The following TXNDC8 variants were observed in gnomAD, a reference collection of about 807,000 sequenced individuals.
TXNDC8 encodes thioredoxin domain containing 8.
In TXNDC8, 15 loss-of-function variants were observed where a neutral mutation model predicts 12.9. The observed-to-expected ratio is 1.16, with a 90% CI of 0.78 to 1.79. The LOEUF is 1.79. TXNDC8 is among the 40% of genes most tolerant of loss of function. The pLI is 0.00. For synonymous variants in TXNDC8, 40 were observed against 35.4 expected (o/e 1.13, Z -0.46); for missense variants, 128 against 113.2 (o/e 1.13, Z -0.59).
At chr9:110,313,253 C>T (rs1315296915) in intron 3 of TXNDC8, among the ~76,000 whole-genome samples, 2 of 152,248 alleles carry the variant, frequency 1.3e-5, no homozygotes, top group Middle Eastern at 3.4e-3. Flanking sequence ...ATCTTTTCCC[C>T]CAATTTTTCC....
At chr9:110,326,374 T>TA (rs1246382987) in intron 2 of TXNDC8, 134 bp from the exon 4 acceptor site, 6 of 722,128 alleles carry the variant, frequency 8.3e-6, no homozygotes, top group African/African-American at 1.8e-5. Context: ...ACTCTCCTGC[T>TA]ATGAACTTTT....
chr9:110,325,386 G>A (rs1839268786), intron 3 of TXNDC8, among the ~76,000 whole-genome samples: 1 of 152,152 alleles, frequency 6.6e-6, no homozygotes, highest in Non-Finnish European at 1.5e-5. Context: ...CAGCTAGGAA[G>A]TGCTAGAAGC....
chr9:110,305,279 TG>T (rs1309800801), intron 3 of TXNDC8, among the ~76,000 whole-genome samples: 2 of 152,078 alleles, frequency 1.3e-5, no homozygotes, highest in Non-Finnish European at 1.5e-5. Flanking sequence ...CCACTCAACA[TG>T]ATGTTTATGA....
At chr9:110,337,245 C>T (rs1027619281) in intron 1 of TXNDC8, among the ~76,000 whole-genome samples, 7 of 152,250 alleles carry the variant, frequency 4.6e-5, no homozygotes, top group Middle Eastern at 3.4e-3. Flanking sequence ...ACCTCTTAAA[C>T]GAACTAGCCC....
intron 3 of TXNDC8, chr9:110,322,352 T>A: frequency 1.0e-6 from 1 of 984,542 alleles, no homozygotes; most frequent in Non-Finnish European, 1.2e-6. Context: ...AATGGTTTAA[T>A]TTGTTTTCTA....
rs189610168 is a variant in TXNDC8 at position 110,318,330 on chromosome 9, T to C, written c.195+7845A>G. 3.9e-5 allele frequency among the ~76,000 whole-genome samples: 6 copies of C among 152,366 alleles called. No homozygotes were observed. In the East Asian group the frequency reaches 1.2e-3, roughly 29 times the overall value. On this transcript the variant is annotated intron_variant, in intron 3 of 4. Transcript: ENST00000423740. ...CTGTACTAAATCTTAGTTATGAATA[T>C]AACTTGTGATTGGGTCTTGTAAGTC...
intron 2 of TXNDC8, 48 bp downstream of exon 2, chr9:110,334,168 A>ACTTTTAAATTT: frequency 1.4e-6 from 2 of 1,469,458 alleles, no homozygotes; most frequent in Non-Finnish European, 1.9e-6. Flanking sequence ...ATATTCTGGA[A>ACTTTTAAATTT]CTTTAAATTT....
At chr9:110,305,792 CTTTTCTTTTCTTTT>C (rs1838443241) in intron 3 of TXNDC8, among the ~76,000 whole-genome samples, 6 of 56,848 alleles carry the variant, frequency 1.1e-4, no homozygotes, top group East Asian at 6.7e-4. Flanking sequence ...TCTTTTCTTT[CTTTTCTTTTCTTTT>C]CTTTCCTTTC....
At chr9:110,310,754 A>C (rs985415205) in intron 3 of TXNDC8, among the ~76,000 whole-genome samples, 28 of 152,356 alleles carry the variant, frequency 1.8e-4, no homozygotes, top group East Asian at 1.3e-3. Context: ...AATTGCCAGC[A>C]TACATTTTTG....
chr9:110,310,200 GGT>G (rs67807947), intron 3 of TXNDC8, among the ~76,000 whole-genome samples: 65,913 of 149,224 alleles, frequency 0.44, 14,715 homozygotes, highest in East Asian at 0.7. Context: ...CTTTGTGTGT[GGT>G]GTGTGTGTGT....
chr9:110,303,839 A>G (rs1404407569), intron 4 of TXNDC8: 2 of 719,054 alleles, frequency 2.8e-6, no homozygotes, highest in African/African-American at 1.8e-5. Flanking sequence ...TTAATCTAAG[A>G]TCTAAAACGT....
chr9:110,321,073 T>C (rs1345323808), intron 3 of TXNDC8, among the ~76,000 whole-genome samples: 1 of 152,246 alleles, frequency 6.6e-6, no homozygotes, highest in Non-Finnish European at 1.5e-5. Context: ...TCAGTGTATA[T>C]AGCTTTGTTT....
downstream of TXNDC8, among the ~76,000 whole-genome samples, chr9:110,301,977 C>CTATT (rs1189699671): frequency 6.5e-4 from 98 of 151,666 alleles, no homozygotes; most frequent in Non-Finnish European, 1.2e-3. Context: ...TTTTATTTAT[C>CTATT]TATTTATTTA....
At chr9:110,305,562 CTTTCTTTCTTTCTTTCT>C (rs1838409754) in intron 3 of TXNDC8, among the ~76,000 whole-genome samples, 2 of 127,040 alleles carry the variant, frequency 1.6e-5, no homozygotes, top group Middle Eastern at 3.7e-3. Context: ...TTCTTTCTTT[CTTTCTTTCTTTCTTTCT>C]TTCTTTCTTT....
chr9:110,315,331 C>A (rs1838842267), intron 3 of TXNDC8, among the ~76,000 whole-genome samples: 1 of 152,118 alleles, frequency 6.6e-6, no homozygotes, highest in Non-Finnish European at 1.5e-5. Context: ...CTCCTGACCT[C>A]AGGTAATCCA....
chr9:110,334,160 A>C (rs899133934), intron 2 of TXNDC8, 56 bp downstream of exon 2: 12 of 1,449,760 alleles, frequency 8.3e-6, no homozygotes, highest in African/African-American at 1.4e-5. Flanking sequence ...TGGGAAAAAT[A>C]TTCTGGAACT....
At chr9:110,312,410 A>G (rs1431003599) in intron 3 of TXNDC8, among the ~76,000 whole-genome samples, 1 of 152,214 alleles carries the variant, frequency 6.6e-6, no homozygotes, top group Non-Finnish European at 1.5e-5. Flanking sequence ...GGAAACAATA[A>G]AAGTCCCTTG....
intron 2 of TXNDC8, 66 bp downstream of exon 3, chr9:110,329,166 A>G: frequency 1.5e-6 from 2 of 1,323,434 alleles, no homozygotes; most frequent in Non-Finnish European, 2.1e-6. Context: ...AATTACTGAG[A>G]CAGTGCTATT....
intron 2 of TXNDC8, among the ~76,000 whole-genome samples, chr9:110,331,058 G>C (rs192558896): frequency 6.6e-6 from 1 of 152,250 alleles, no homozygotes; most frequent in African/African-American, 2.4e-5. Flanking sequence ...CACCATCCTG[G>C]AGAGCCTGGA....
Sources: gnomAD v4.1 joint callset for allele counts (sites outside exome capture counted in the v4.1 genomes callset) on GRCh38, gnomAD v4.1.1 for gene constraint, MANE v1.5 for transcripts, NCBI Gene and HGNC (gene_info 2026-07-23, HGNC 2026-07-21) for gene names.